PLA1A: variants seen among roughly 807,000 people sequenced by gnomAD.
PLA1A encodes phospholipase A1 member A.
In PLA1A, 47 loss-of-function variants were observed where a neutral mutation model predicts 49.4. The observed-to-expected ratio is 0.95, with a 90% confidence interval of 0.75 to 1.21. The LOEUF (loss-of-function observed/expected upper bound fraction) is 1.21, where lower values mean the gene tolerates loss of function less well. Among genes scored for constraint, PLA1A ranks in the 50% most tolerant of loss-of-function variants. The pLI, the probability that PLA1A is intolerant of heterozygous loss-of-function variation, is 0.00. For missense variants in PLA1A, 561 were observed against 563.9 expected (o/e 0.99, Z 0.05); for synonymous variants, 224 against 207.9 (o/e 1.08, Z -0.67).
chr3:119,627,853 T>G (rs1309713373), intron 9 of PLA1A, among the ~76,000 whole-genome samples: 2 of 152,218 alleles, frequency 1.3e-5, no homozygotes, highest in Non-Finnish European at 2.9e-5. Flanking sequence ...CCTCATTGAA[T>G]CTCACGATTT....
At chr3:119,623,611 G>T (rs989041595) in intron 8 of PLA1A, among the ~76,000 whole-genome samples, 7 of 152,154 alleles carry the variant, frequency 4.6e-5, no homozygotes, top group African/African-American at 1.7e-4. Flanking sequence ...ACCAGCGGCT[G>T]CAGGGAGAGG....
intron 8 of PLA1A, among the ~76,000 whole-genome samples, chr3:119,621,677 G>A (rs1225224149): frequency 6.6e-6 from 1 of 152,188 alleles, no homozygotes; most frequent in African/African-American, 2.4e-5. Context: ...TCCTTACCAT[G>A]TCCTGTGTGA....
At chr3:119,602,830 G>C (rs772448224) in intron 1 of PLA1A, among the ~76,000 whole-genome samples, 1 of 152,142 alleles carries the variant, frequency 6.6e-6, no homozygotes, top group Non-Finnish European at 1.5e-5. Context: ...AACACAAGCA[G>C]GTTACAACTG....
At chr3:119,616,554 A>G (rs1004029915) in intron 6 of PLA1A, among the ~76,000 whole-genome samples, 1 of 152,250 alleles carries the variant, frequency 6.6e-6, no homozygotes, top group Non-Finnish European at 1.5e-5. Flanking sequence ...AGCAGACTAA[A>G]TTTGTCAAAA....
At chr3:119,622,149 GGAAGAAGAAGAAGAAGAAGAAGAA>G (rs59447645) in intron 8 of PLA1A, among the ~76,000 whole-genome samples, 27 of 126,294 alleles carry the variant, frequency 2.1e-4, no homozygotes, top group Admixed American at 6.2e-4. Flanking sequence ...AGGAGGAGGA[GGAAGAAGAAGAAGAAGAAGAAGAA>G]GAAGAAGAAG....
In PLA1A at chr3:119,600,674, C is replaced by T. The variant is rs906838958; in HGVS notation, c.73+2688C>T. 3.3e-5 allele frequency among the ~76,000 whole-genome samples: 5 copies of T among 152,190 alleles called. No homozygotes were observed. The East Asian group carries it at 7.7e-4, about 23-fold the overall frequency. On this transcript the variant is annotated intron_variant, in intron 1 of 10. Coordinates refer to ENST00000273371, the MANE Select transcript of PLA1A (RefSeq NM_015900.4). ...TGCAGTCCTCATCTCTACTTCCTGA[C>T]GTTAGGCAGATTGATTAAATGACAC...
Position 119,624,758 on chromosome 3 carries a change from G to A in PLA1A, c.1013-366G>A, listed in dbSNP as rs149043145. ...CGATTCTCCTGTCTCAGCCTCCTGAGTAGCTGGGATTACAGGCACCCGCCA... is the reference window on the plus strand; with the variant it reads ...CGATTCTCCTGTCTCAGCCTCCTGAATAGCTGGGATTACAGGCACCCGCCA... On this transcript the variant is annotated intron_variant, in intron 8 of 10. Transcript: ENST00000273371. Among the ~76,000 whole-genome samples the A allele has an allele frequency of 1.4e-3, 219 of 152,080 alleles. 1 individual carries two copies. Among genetic ancestry groups the A allele is most frequent in the African/African-American group, 4.9e-3 (205 of 41,472 alleles).
chr3:119,621,634 CAT>C (rs1387512419), intron 8 of PLA1A, among the ~76,000 whole-genome samples: 1 of 152,238 alleles, frequency 6.6e-6, no homozygotes, highest in Admixed American at 6.5e-5. Context: ...CAGTTTTTCA[CAT>C]AGTGTACCTT....
chr3:119,620,112 G>A (rs2082909229), intron 8 of PLA1A: 1 of 457,040 alleles, frequency 2.2e-6, no homozygotes, highest in Non-Finnish European at 4.4e-6. Context: ...CCTAACCATG[G>A]CATTTCCTTG....
At position 119,629,460 on chromosome 3, in the gene PLA1A, T is replaced by C; in HGVS notation, c.1363T>C (p.Cys455Arg). ...TGTTTCCTGTGACCTGAAGATAGCC[T>C]GTGTGTAGTTTAACCTGGGCAGGAC... ...VTVSCDLKIA[C>R]V The change falls in exon 11 of 11, where the codon TGT becomes CGT. Residue 455 changes from cysteine (C) to arginine (R), a missense_variant. Transcript: ENST00000273371. 1.3e-6 allele frequency: 2 copies of C among 1,599,244 alleles called. No homozygotes were observed. Among genetic ancestry groups the C allele is most frequent in the Non-Finnish European group, 1.7e-6 (2 of 1,166,760 alleles).
intron 7 of PLA1A, 83 bp from the exon 8 acceptor site, chr3:119,619,480 A>T: frequency 1.1e-6 from 1 of 892,160 alleles, no homozygotes; most frequent in South Asian, 1.3e-5. Flanking sequence ...TGGGTGCATG[A>T]ATTAATAAAC....
chr3:119,602,275 A>G (rs1577134913), intron 1 of PLA1A, among the ~76,000 whole-genome samples: 1 of 152,138 alleles, frequency 6.6e-6, no homozygotes, highest in East Asian at 1.9e-4. Flanking sequence ...CAGGCCTCTT[A>G]GACTTTTCTG....
At chr3:119,629,286 GATTT>G (rs970099573) in intron 10 of PLA1A, 94 bp from the exon 11 acceptor site, 2 of 786,828 alleles carry the variant, frequency 2.5e-6, no homozygotes, top group African/African-American at 3.4e-5. Flanking sequence ...GGTGATTGCA[GATTT>G]CTTTCACCAG....
intron 1 of PLA1A, among the ~76,000 whole-genome samples, chr3:119,602,827 G>C (rs558427771): frequency 3.3e-5 from 5 of 152,240 alleles, no homozygotes; most frequent in Admixed American, 3.3e-4. Flanking sequence ...AGGAACACAA[G>C]CAGGTTACAA....
chr3:119,620,228 G>A (rs1199221859), intron 8 of PLA1A: 2 of 448,548 alleles, frequency 4.5e-6, no homozygotes, highest in African/African-American at 2.0e-5. Flanking sequence ...CCTATGCTAT[G>A]TGCATCTTAA....
At chr3:119,610,346 T>C (rs1385398864) in intron 4 of PLA1A, among the ~76,000 whole-genome samples, 1 of 152,166 alleles carries the variant, frequency 6.6e-6, no homozygotes, top group Admixed American at 6.5e-5. Context: ...TATCTAGTAA[T>C]GGGATTGCTG....
intron 10 of PLA1A, among the ~76,000 whole-genome samples, chr3:119,629,077 C>T (rs567336700): frequency 6.6e-6 from 1 of 152,154 alleles, no homozygotes; most frequent in Middle Eastern, 3.2e-3. Context: ...TATTTGGTTT[C>T]TATGTAAGAT....
chr3:119,608,875 A>G lies in PLA1A; in HGVS notation c.381A>G (p.Gly127=). The change falls in exon 3 of 11, where the codon GGA becomes GGG. Residue 127 remains glycine (G), a synonymous_variant. Transcript: ENST00000273371. ...TGGACTGGATTTATGGGTCTACAGG[A>G]GTCTACTTCTCAGCTGTGAAAAATG... The part of the protein sequence containing the change: ...IAVDWIYGST[G]VYFSAVKNVI... 2 of 1,613,930 alleles carry G rather than the reference A, an allele frequency of 1.2e-6. No homozygotes were observed. The highest frequency in any genetic ancestry group is 1.7e-6 in the Non-Finnish European group (2 of 1,179,798).
rs144703197 is a variant in PLA1A, at chr3:119,613,167, G to A, written c.664+49G>A. 1,426 of 1,275,856 alleles carry A rather than the reference G, an allele frequency of 1.1e-3. 1 individual carries two copies. The highest frequency in any genetic ancestry group is 1.4e-3 in the Non-Finnish European group (1,210 of 894,398). The allele number at this position is 1,275,856 out of a possible 1,614,324, so 79.0% of individuals were successfully genotyped here. ...GATGAGGGAATGAGCTCAAGGCAGC[G>A]CCTAGGAGGCTGGCATCTAGCTCTG... On this transcript the variant is annotated intron_variant, in intron 5 of 10. Transcript: ENST00000273371.
Sources: allele counts gnomAD v4.1 joint callset (sites outside exome capture counted in the v4.1 genomes callset), GRCh38; gene constraint gnomAD v4.1.1; transcripts MANE v1.5; gene names NCBI Gene and HGNC (gene_info 2026-07-23, HGNC 2026-07-21).